SATB2: variants seen among roughly 807,000 people sequenced by gnomAD.
SATB2 encodes the protein SATB homeobox 2.
A neutral mutation model predicts 73.4 loss-of-function variants in SATB2; 1 was observed. The ratio of observed to expected loss-of-function variants is 0.01; its 90% CI spans 0.00 to 0.06. The LOEUF (loss-of-function observed/expected upper bound fraction) is 0.06, where lower values mean the gene tolerates loss of function less well. Ranked by LOEUF, SATB2 falls within the 10% of genes least tolerant of loss-of-function variation. SATB2 has a pLI of 1.00. For synonymous variants in SATB2, 397 were observed against 367.0 expected (o/e 1.08, Z -0.93); for missense variants, 459 against 945.8 (o/e 0.49, Z 6.75).
In SATB2 at chr2:199,301,713, C is replaced by T. The variant is rs550708694; in HGVS notation, c.1740+7047G>A. Among the ~76,000 whole-genome samples the T allele has an allele frequency of 3.9e-5, 6 of 152,104 alleles. No individual in the cohort carries two copies. In the South Asian group the frequency reaches 8.3e-4, roughly 21 times the overall value. ...TGGTAAAAAGTCATGAGGTAGAGCA[C>T]GAACCGTGGGCAGGCCAAGGTGTGG... On this transcript the variant is annotated intron_variant, in intron 10 of 10. Coordinates refer to ENST00000417098, the MANE Select transcript of SATB2 (RefSeq NM_001172509.2).
At chr2:199,326,736 C>G (rs1420690281) in intron 8 of SATB2, among the ~76,000 whole-genome samples, 5 of 152,026 alleles carry the variant, frequency 3.3e-5, no homozygotes, top group African/African-American at 7.2e-5. Context: ...ACAACTTGCC[C>G]AACTTACTAG....
intron 10 of SATB2, among the ~76,000 whole-genome samples, chr2:199,289,602 T>A (rs1219503308): frequency 6.6e-6 from 1 of 152,198 alleles, no homozygotes; most frequent in Non-Finnish European, 1.5e-5. Flanking sequence ...TGTCAAGTTA[T>A]TATACTTTCA....
At chr2:199,430,759 T>A (rs1476738072) in intron 3 of SATB2, among the ~76,000 whole-genome samples, 8 of 152,186 alleles carry the variant, frequency 5.3e-5, no homozygotes, top group Admixed American at 5.2e-4. Context: ...GTTCACAAGA[T>A]CATGGACCTG....
At position 199,375,272 on chromosome 2, in the gene SATB2, C is replaced by G. The variant is rs535845024; in HGVS notation, c.597+5092G>C. 9.9e-5 allele frequency among the ~76,000 whole-genome samples: 15 copies of G among 152,268 alleles called. No homozygotes were observed. In the East Asian group the frequency reaches 2.9e-3, roughly 29 times the overall value. On this transcript the variant is annotated intron_variant, in intron 5 of 10. Transcript: ENST00000417098. ...GCCTAAGGTCTGCTAAATTAGGATG[C>G]TCAGGACAGCCAGTGGCAGAGGAAA...
rs1430782862 is a variant in SATB2, at chr2:199,457,861, G to A, written c.-582C>T. On this transcript the variant is annotated 5_prime_UTR_variant, in exon 1 of 11. Coordinates refer to ENST00000417098, the MANE Select transcript of SATB2 (RefSeq NM_001172509.2). This position sits in a 1 kb window ranked among gnomAD's most constrained non-coding sequence, Gnocchi z 4.8. The stretch of plus-strand genomic sequence containing the variant: ...AGGGACCCGGGACCGCGCGCGGGAG[G>A]AAACGCGGCGGCCGCCCAAGCTGTC... 1 of 153,290 alleles carries A rather than the reference G, an allele frequency of 6.5e-6. No homozygotes were observed. Among genetic ancestry groups the A allele is most frequent in the Non-Finnish European group, 1.5e-5 (1 of 68,174 alleles). The allele number at this position is 153,290 out of a possible 1,614,324, so 9.5% of individuals were successfully genotyped here. A position where few individuals can be genotyped will look rare whatever the true frequency, so the allele number is the denominator to read the frequency against.
At chr2:199,276,062 C>T (rs747240825) in intron 10 of SATB2, among the ~76,000 whole-genome samples, 1 of 152,212 alleles carries the variant, frequency 6.6e-6, no homozygotes, top group Non-Finnish European at 1.5e-5. Flanking sequence ...AAAAGAACAA[C>T]ATAATTTGCT....
intron 7 of SATB2, among the ~76,000 whole-genome samples, chr2:199,342,177 G>A (rs1029340289): frequency 2.0e-5 from 3 of 152,142 alleles, no homozygotes; most frequent in African/African-American, 7.2e-5. Context: ...GGAGCGGGGA[G>A]GCGGGGGAGC....
At chr2:199,435,218 C>G (rs1429785909) in intron 2 of SATB2, among the ~76,000 whole-genome samples, 1 of 152,098 alleles carries the variant, frequency 6.6e-6, no homozygotes, top group African/African-American at 2.4e-5. Flanking sequence ...AGATTTAGGA[C>G]AGCTACACAA....
chr2:199,300,923 G>A (rs980566362), intron 10 of SATB2, among the ~76,000 whole-genome samples: 7 of 151,840 alleles, frequency 4.6e-5, no homozygotes, highest in African/African-American at 1.2e-4. Flanking sequence ...GGAAGGCGGT[G>A]TGTTATGGAG....
intron 8 of SATB2, among the ~76,000 whole-genome samples, chr2:199,325,037 A>C (rs562808440): frequency 6.6e-6 from 1 of 152,298 alleles, no homozygotes; most frequent in South Asian, 2.1e-4. Context: ...TGTAACAGGC[A>C]GTGTGGACTC....
intron 6 of SATB2, among the ~76,000 whole-genome samples, chr2:199,357,760 G>C (rs986079621): frequency 6.6e-6 from 1 of 151,542 alleles, no homozygotes; most frequent in African/African-American, 2.4e-5. Context: ...TTTTCTTGAG[G>C]CCAAAGCTTT....
intron 3 of SATB2, among the ~76,000 whole-genome samples, chr2:199,394,150 C>T (rs1323451385): frequency 1.3e-5 from 2 of 152,094 alleles, no homozygotes; most frequent in Admixed American, 6.5e-5. Flanking sequence ...TGCATAGTAC[C>T]CAATAGAATA....
At chr2:199,438,246 T>C (rs1691710251) in intron 2 of SATB2, among the ~76,000 whole-genome samples, 1 of 152,254 alleles carries the variant, frequency 6.6e-6, no homozygotes, top group Non-Finnish European at 1.5e-5. Flanking sequence ...AAATTATACA[T>C]GTGGCTTGTA....
chr2:199,280,225 C>T (rs1429308627), intron 10 of SATB2, among the ~76,000 whole-genome samples: 14 of 152,184 alleles, frequency 9.2e-5, no homozygotes, highest in African/African-American at 3.4e-4. Context: ...ATCACTTCCC[C>T]GATCAATACC....
At chr2:199,448,188 TA>T (rs1692019489) in intron 2 of SATB2, among the ~76,000 whole-genome samples, 1 of 152,226 alleles carries the variant, frequency 6.6e-6, no homozygotes, top group Non-Finnish European at 1.5e-5. Context: ...GCATCGTCAG[TA>T]AGCTATTAAA....
intron 3 of SATB2, among the ~76,000 whole-genome samples, chr2:199,405,110 T>C (rs951731168): frequency 6.6e-6 from 1 of 152,192 alleles, no homozygotes; most frequent in East Asian, 1.9e-4. Context: ...CAAATGAGAC[T>C]ATATTCCTTT....
At chr2:199,309,381 C>T (rs1687531116) in intron 9 of SATB2, among the ~76,000 whole-genome samples, 1 of 152,214 alleles carries the variant, frequency 6.6e-6, no homozygotes, top group African/African-American at 2.4e-5. Flanking sequence ...GAAAAATTGT[C>T]TAGGTGTAAA....
At chr2:199,275,325 A>G (rs1692280278) in intron 10 of SATB2, among the ~76,000 whole-genome samples, 1 of 152,220 alleles carries the variant, frequency 6.6e-6, no homozygotes, top group South Asian at 2.1e-4. Flanking sequence ...AGAACTGAGC[A>G]CTAGTAATAC....
intron 1 of SATB2, among the ~76,000 whole-genome samples, chr2:199,456,510 G>T (rs1190701913): frequency 6.6e-6 from 1 of 152,252 alleles, no homozygotes; most frequent in Non-Finnish European, 1.5e-5. Flanking sequence ...AAGGGAGTTG[G>T]GGGTGTGCGC....
Sources: gnomAD v4.1 joint callset for allele counts (sites outside exome capture counted in the v4.1 genomes callset) on GRCh38, gnomAD v4.1.1 for gene constraint, Gnocchi (gnomAD v3.1) non-coding constraint, MANE v1.5 for transcripts, NCBI Gene and HGNC (gene_info 2026-07-23, HGNC 2026-07-21) for gene names.